NBAS: variants seen among roughly 807,000 people sequenced by gnomAD.
NBAS encodes the protein NAG/BC035112 fusion.
NBAS carries 219 observed loss-of-function variants against 302.5 expected under a neutral mutation model. The ratio of observed to expected loss-of-function variants is 0.72; its 90% CI spans 0.65 to 0.81. NBAS has a LOEUF of 0.81. Ranked by LOEUF, NBAS falls within the 30% of genes least tolerant of loss-of-function variation. The pLI is 0.00. For synonymous variants in NBAS, 1,118 were observed against 1,021.6 expected (o/e 1.09, Z -1.80); for missense variants, 2,932 against 2,841.6 (o/e 1.03, Z -0.72).
the NBAS span, among the ~76,000 whole-genome samples, chr2:15,087,735 G>C: frequency 6.6e-6 from 1 of 152,230 alleles, no homozygotes; most frequent in African/African-American, 2.4e-5. Context: ...AAAGCAAGGA[G>C]AGAAGCTGTG....
chr2:15,046,900 C>G, the NBAS span, among the ~76,000 whole-genome samples: 1 of 152,150 alleles, frequency 6.6e-6, no homozygotes. Flanking sequence ...GGCACAGAAT[C>G]ACAGCAAAAG....
the NBAS span, among the ~76,000 whole-genome samples, chr2:15,143,882 C>G: frequency 6.6e-6 from 1 of 151,180 alleles, no homozygotes; most frequent in South Asian, 2.1e-4. Flanking sequence ...CAGCCTACAT[C>G]TTTCTCCTGT....
At chr2:14,895,534 G>T in the NBAS span, among the ~76,000 whole-genome samples, 1 of 152,030 alleles carries the variant, frequency 6.6e-6, no homozygotes, top group Non-Finnish European at 1.5e-5. Context: ...GTCAGGAGAT[G>T]GAGACCATCC....
Position 15,407,433 on chromosome 2 carries a change from T to C in NBAS, c.2938-5132A>G, listed in dbSNP as rs115058047. Among the ~76,000 whole-genome samples, 1,200 of 152,210 alleles carry C rather than the reference T, an allele frequency of 7.9e-3. 21 individuals carry two copies. The highest frequency in any genetic ancestry group is 0.027 in the African/African-American group (1,138 of 41,510). Reference sequence around the variant, plus strand: ...TTTCTGGAGGACTACACCCTAGGAATAGGGGAGAACTGGAAATAGGAGAGT... The same window carrying C: ...TTTCTGGAGGACTACACCCTAGGAACAGGGGAGAACTGGAAATAGGAGAGT... On this transcript the variant is annotated intron_variant, in intron 25 of 51. Transcript: ENST00000281513.
At chr2:15,090,074 G>A in the NBAS span, among the ~76,000 whole-genome samples, 1 of 152,146 alleles carries the variant, frequency 6.6e-6, no homozygotes, top group Non-Finnish European at 1.5e-5. Flanking sequence ...ACATTCTGCA[G>A]GCCAAAAGCA....
At chr2:14,861,286 G>A in the NBAS span, among the ~76,000 whole-genome samples, 6 of 152,082 alleles carry the variant, frequency 3.9e-5, no homozygotes, top group South Asian at 2.1e-4. Context: ...AACAAAATAC[G>A]TGTTTTGTTT....
At chr2:15,209,269 A>T (rs72776621) in intron 48 of NBAS, among the ~76,000 whole-genome samples, 4 of 152,220 alleles carry the variant, frequency 2.6e-5, no homozygotes, top group South Asian at 2.1e-4. Context: ...AAACCTGAAC[A>T]GACCAATAAC....
the NBAS span, among the ~76,000 whole-genome samples, chr2:14,799,538 G>C: frequency 1.3e-5 from 2 of 152,050 alleles, no homozygotes; most frequent in Non-Finnish European, 2.9e-5. Flanking sequence ...TATTTCTGCT[G>C]TTATTGGTAC....
At chr2:14,825,984 TA>T in the NBAS span, among the ~76,000 whole-genome samples, 1 of 152,214 alleles carries the variant, frequency 6.6e-6, no homozygotes, top group African/African-American at 2.4e-5. Flanking sequence ...ACAGACTTTT[TA>T]ATCCAATAGT....
At chr2:15,304,143 A>G (rs1670928601) in intron 40 of NBAS, among the ~76,000 whole-genome samples, 1 of 152,172 alleles carries the variant, frequency 6.6e-6, no homozygotes, top group South Asian at 2.1e-4. Flanking sequence ...GTGTCAAGGG[A>G]AAGACCAGAT....
intron 23 of NBAS, among the ~76,000 whole-genome samples, chr2:15,423,084 A>G (rs1172903515): frequency 6.6e-6 from 1 of 152,168 alleles, no homozygotes; most frequent in Non-Finnish European, 1.5e-5. Flanking sequence ...ATTCTATTTT[A>G]AAAGATTATA....
chr2:15,016,642 C>G, the NBAS span, among the ~76,000 whole-genome samples: 1 of 151,964 alleles, frequency 6.6e-6, no homozygotes, highest in Non-Finnish European at 1.5e-5. Context: ...TTATATGGAA[C>G]CACAAAAGAC....
chr2:15,090,947 C>T, the NBAS span, among the ~76,000 whole-genome samples: 65 of 152,134 alleles, frequency 4.3e-4, no homozygotes, highest in African/African-American at 1.3e-3. Context: ...TCCTGAACGC[C>T]GAAAAGATTA....
chr2:14,941,903 G>T, the NBAS span, among the ~76,000 whole-genome samples: 1 of 152,222 alleles, frequency 6.6e-6, no homozygotes, highest in African/African-American at 2.4e-5. Flanking sequence ...GCTCTCTACT[G>T]GTTGGAGGAT....
the NBAS span, among the ~76,000 whole-genome samples, chr2:14,960,467 T>C: frequency 6.6e-6 from 1 of 152,200 alleles, no homozygotes; most frequent in Non-Finnish European, 1.5e-5. Context: ...ACACCTTCTG[T>C]GCATTAAGTC....
chr2:14,815,032 T>C, the NBAS span, among the ~76,000 whole-genome samples: 1 of 152,208 alleles, frequency 6.6e-6, no homozygotes, highest in African/African-American at 2.4e-5. Context: ...ATGCTTGCTT[T>C]CCCTTTGCCT....
At chr2:14,812,638 A>G in the NBAS span, among the ~76,000 whole-genome samples, 1 of 152,336 alleles carries the variant, frequency 6.6e-6, no homozygotes, top group South Asian at 2.1e-4. Context: ...AGAAATGGAA[A>G]GAAGGAAGAA....
At chr2:14,915,174 T>C in the NBAS span, among the ~76,000 whole-genome samples, 1 of 152,208 alleles carries the variant, frequency 6.6e-6, no homozygotes, top group African/African-American at 2.4e-5. Flanking sequence ...CTGACTTCTT[T>C]TCTGCTTTTT....
chr2:15,466,084 G>A (rs947677557), intron 19 of NBAS, among the ~76,000 whole-genome samples: 3 of 152,042 alleles, frequency 2.0e-5, no homozygotes, highest in Non-Finnish European at 4.4e-5. Flanking sequence ...ATGATAAATG[G>A]TAATGATATA....
Sources: allele counts gnomAD v4.1 joint callset (sites outside exome capture counted in the v4.1 genomes callset), GRCh38; gene constraint gnomAD v4.1.1; transcripts MANE v1.5; gene names NCBI Gene and HGNC (gene_info 2026-07-23, HGNC 2026-07-21).